PATJ: variants seen among roughly 807,000 people sequenced by gnomAD.
The protein encoded by PATJ is PATJ crumbs cell polarity complex component, also known as inaD-like protein.
A neutral mutation model predicts 224.9 loss-of-function variants in PATJ; 190 were observed. That is an observed-to-expected ratio of 0.84 (90% CI 0.75 to 0.95). The LOEUF is 0.95. Ranked by LOEUF, PATJ falls within the 40% of genes least tolerant of loss-of-function variation. The pLI is 0.00. For synonymous variants in PATJ, 769 were observed against 820.3 expected (o/e 0.94, Z 1.07); for missense variants, 2,121 against 2,270.3 (o/e 0.93, Z 1.34).
chr1:62,119,357 T>C (rs919159199), intron 37 of PATJ, among the ~76,000 whole-genome samples: 1 of 152,206 alleles, frequency 6.6e-6, no homozygotes, highest in African/African-American at 2.4e-5. Flanking sequence ...CAGACCCATT[T>C]AAAAAATCAG....
At chr1:61,914,077 G>T (rs1018426818) in intron 25 of PATJ, among the ~76,000 whole-genome samples, 4 of 152,226 alleles carry the variant, frequency 2.6e-5, no homozygotes, top group African/African-American at 9.6e-5. Context: ...TTTATTGTTT[G>T]CTTTGAATTG....
At chr1:61,889,437 C>T (rs1669287807) in intron 22 of PATJ, among the ~76,000 whole-genome samples, 1 of 152,076 alleles carries the variant, frequency 6.6e-6, no homozygotes, top group African/African-American at 2.4e-5. Context: ...GTAGTCCCTT[C>T]TTATCTTCAA....
intron 17 of PATJ, among the ~76,000 whole-genome samples, chr1:61,854,786 A>G (rs559040563): frequency 6.6e-6 from 1 of 152,372 alleles, no homozygotes; most frequent in African/African-American, 2.4e-5. Context: ...AGTTGGTTAA[A>G]TAAATTAAAA....
chr1:61,796,740 C>CTTT (rs143698836), intron 10 of PATJ, among the ~76,000 whole-genome samples: 1 of 50,326 alleles, frequency 2.0e-5, no homozygotes, highest in African/African-American at 5.8e-5. Flanking sequence ...TTCTTTCTTT[C>CTTT]TTTTTTTTCT....
At chr1:62,038,847 G>A in intron 30 of PATJ, 3 of 722,992 alleles carry the variant, frequency 4.1e-6, no homozygotes, top group Non-Finnish European at 7.7e-6. Context: ...GTGGGATGGA[G>A]GCGACCTTGG....
chr1:61,893,644 T>TA (rs1273804015), intron 22 of PATJ, among the ~76,000 whole-genome samples: 12 of 151,302 alleles, frequency 7.9e-5, no homozygotes, highest in East Asian at 1.9e-4. Context: ...CTACAAAAGG[T>TA]AAAAAAAATT....
intron 14 of PATJ, among the ~76,000 whole-genome samples, chr1:61,817,754 AG>A (rs1438515638): frequency 2.0e-5 from 3 of 152,210 alleles, no homozygotes; most frequent in African/African-American, 4.8e-5. Context: ...ATAACCTCTG[AG>A]GGGGCACACC....
chr1:61,890,261 T>C (rs576741454), intron 22 of PATJ, among the ~76,000 whole-genome samples: 35 of 152,238 alleles, frequency 2.3e-4, no homozygotes, highest in African/African-American at 8.2e-4. Context: ...GGAGAATCGC[T>C]TGAGGCCAGG....
intron 26 of PATJ, among the ~76,000 whole-genome samples, chr1:61,917,764 A>T (rs1430821498): frequency 6.6e-6 from 1 of 152,164 alleles, no homozygotes; most frequent in East Asian, 1.9e-4. Context: ...ATAAAAAAAG[A>T]AATTATTGGC....
intron 14 of PATJ, among the ~76,000 whole-genome samples, chr1:61,810,407 A>G (rs576939784): frequency 8.5e-5 from 13 of 152,212 alleles, no homozygotes; most frequent in Non-Finnish European, 1.8e-4. Context: ...AGTAAGAAAT[A>G]CAAATACAAA....
At chr1:61,759,702 C>T (rs763024825) in intron 1 of PATJ, among the ~76,000 whole-genome samples, 1 of 152,310 alleles carries the variant, frequency 6.6e-6, no homozygotes. Flanking sequence ...GCCACAGCGC[C>T]CGGGCTGATC....
intron 41 of PATJ, among the ~76,000 whole-genome samples, chr1:62,144,571 T>C (rs891411318): frequency 6.6e-6 from 1 of 151,926 alleles, no homozygotes; most frequent in Non-Finnish European, 1.5e-5. Flanking sequence ...TGGTAACTAG[T>C]TGAGGTGGAA....
intron 14 of PATJ, among the ~76,000 whole-genome samples, chr1:61,818,148 G>A (rs536899397): frequency 1.3e-5 from 2 of 152,272 alleles, no homozygotes; most frequent in African/African-American, 4.8e-5. Context: ...TTCATGATAG[G>A]TCTCGCCACT....
At chr1:61,968,405 T>C (rs896007839) in intron 27 of PATJ, among the ~76,000 whole-genome samples, 1 of 152,178 alleles carries the variant, frequency 6.6e-6, no homozygotes, top group Non-Finnish European at 1.5e-5. Flanking sequence ...AATAGACTCT[T>C]ATGTTGTTTA....
intron 5 of PATJ, among the ~76,000 whole-genome samples, chr1:61,770,730 C>G (rs1413469785): frequency 6.6e-6 from 1 of 151,760 alleles, no homozygotes; most frequent in East Asian, 1.9e-4. Flanking sequence ...GGTAACATAG[C>G]AAAACCCCAT....
At chr1:62,153,552 C>G (rs1304536964) in intron 43 of PATJ, 71 bp downstream of exon 43, 2 of 1,014,688 alleles carry the variant, frequency 2.0e-6, no homozygotes. Flanking sequence ...AAGTGCTTTG[C>G]TTTGCTTTAC....
intron 41 of PATJ, among the ~76,000 whole-genome samples, chr1:62,142,214 TC>T (rs1426010327): frequency 6.6e-6 from 1 of 152,128 alleles, no homozygotes; most frequent in Non-Finnish European, 1.5e-5. Flanking sequence ...CCGTGTAACT[TC>T]CCACAAAGCA....
intron 29 of PATJ, among the ~76,000 whole-genome samples, chr1:62,021,595 A>G (rs900860701): frequency 1.3e-5 from 2 of 152,126 alleles, no homozygotes; most frequent in African/African-American, 2.4e-5. Context: ...TTAAAAATAT[A>G]TATATTTCTG....
Position 61,990,187 on chromosome 1 carries a change from T to C in PATJ, c.3690T>C (p.Tyr1230=). Residue 1230 remains tyrosine (Y), a synonymous_variant, in exon 28 of 44, where the codon TAT becomes TAC. Transcript: ENST00000642238. ...TAATAGAAAAAATCAGACAAAGATATGCAGATCTGCCTGGAGAACTGCACA... is the reference window on the plus strand; with the variant it reads ...TAATAGAAAAAATCAGACAAAGATACGCAGATCTGCCTGGAGAACTGCACA... ...AFTDQKIRQR[Y]ADLPGELHII... 1.2e-6 allele frequency: 2 copies of C among 1,605,344 alleles called. No homozygotes were observed. Among genetic ancestry groups the C allele is most frequent in the Non-Finnish European group, 1.7e-6 (2 of 1,177,776 alleles).
Sources: gnomAD v4.1 joint callset for allele counts (sites outside exome capture counted in the v4.1 genomes callset) on GRCh38, gnomAD v4.1.1 for gene constraint, MANE v1.5 for transcripts, NCBI Gene and HGNC (gene_info 2026-07-23, HGNC 2026-07-21) for gene names.